The following BMP2K variants were observed in gnomAD, a reference collection of about 807,000 sequenced individuals.
The protein encoded by BMP2K is BMP-2-inducible protein kinase.
Under a neutral mutation model 116.0 loss-of-function variants are expected in BMP2K, and 74 were observed. That is an observed-to-expected ratio of 0.64 (90% CI 0.53 to 0.77). BMP2K has a LOEUF of 0.77. Among genes scored for constraint, BMP2K ranks in the 30% least tolerant of loss-of-function variants. The pLI, the probability that BMP2K is intolerant of heterozygous loss-of-function variation, is 0.00. For synonymous variants in BMP2K, 486 were observed against 502.5 expected (o/e 0.97, Z 0.44); for missense variants, 1,365 against 1,403.6 (o/e 0.97, Z 0.44).
In BMP2K at chr4:78,870,918, G is replaced by T. The variant is rs374800739; in HGVS notation, c.1367G>T (p.Arg456Leu). 1 of 1,610,866 alleles carries T rather than the reference G, an allele frequency of 6.2e-7. No homozygotes were observed. The highest frequency in any genetic ancestry group is 1.7e-5 in the Admixed American group (1 of 59,822). ...TTACAGCAACTCCATTTACAGCATC[G>T]TCATCCTCACCAGCAGCAGCAGCAG... is the stretch of plus-strand genomic sequence containing the variant. ...WRLQQLHLQH[R>L]HPHQQQQQQQ... Residue 456 changes from arginine to leucine, a missense_variant, in exon 11 of 16, where the codon CGT becomes CTT. Transcript: ENST00000502613.
intron 7 of BMP2K, among the ~76,000 whole-genome samples, chr4:78,855,431 A>G (rs550000381): frequency 2.0e-5 from 3 of 152,198 alleles, no homozygotes; most frequent in Non-Finnish European, 2.9e-5. Flanking sequence ...TTTCTTTTTA[A>G]ATTTGTTGAG....
intron 1 of BMP2K, among the ~76,000 whole-genome samples, chr4:78,812,550 G>C (rs1560510974): frequency 2.0e-5 from 3 of 152,070 alleles, no homozygotes; most frequent in Non-Finnish European, 4.4e-5. Context: ...CCTGTTAAAA[G>C]TCTGAAATTT....
intron 1 of BMP2K, among the ~76,000 whole-genome samples, chr4:78,783,759 T>C (rs1727609835): frequency 6.6e-6 from 1 of 152,074 alleles, no homozygotes. Flanking sequence ...TAAGGTGAGA[T>C]AGAGCCATTG....
chr4:78,847,721 A>G lies in BMP2K; in HGVS notation c.750+452A>G, dbSNP rs549937626. On this transcript the variant is annotated intron_variant, in intron 6 of 15. Transcript: ENST00000502613. ...AAACATACCATTGACTAGCTTTTGT[A>G]TATTGAGGGTCTTTATCATTTAGCC... Among the ~76,000 whole-genome samples, 51 of 151,850 alleles carry G rather than the reference A, an allele frequency of 3.4e-4. No individual in the cohort carries two copies. In the Middle Eastern group the frequency reaches 0.01, roughly 30 times the overall value.
At chr4:78,785,419 A>G (rs1420406136) in intron 1 of BMP2K, among the ~76,000 whole-genome samples, 1 of 151,996 alleles carries the variant, frequency 6.6e-6, no homozygotes. Context: ...GCCTAAAATT[A>G]TTTTTTAATC....
chr4:78,858,442 G>A (rs1371148520), intron 7 of BMP2K, among the ~76,000 whole-genome samples: 1 of 151,850 alleles, frequency 6.6e-6, no homozygotes, highest in African/African-American at 2.4e-5. Flanking sequence ...AGTGATATAT[G>A]TTAGCATTAT....
chr4:78,837,599 C>CTT (rs773104739), intron 3 of BMP2K, among the ~76,000 whole-genome samples: 29 of 152,240 alleles, frequency 1.9e-4, no homozygotes, highest in Middle Eastern at 3.4e-3. Context: ...AGCTGCAAAT[C>CTT]TTTTGTTGTC....
chr4:78,895,296 T>C (rs571019557), intron 15 of BMP2K, among the ~76,000 whole-genome samples: 1 of 152,314 alleles, frequency 6.6e-6, no homozygotes, highest in South Asian at 2.1e-4. Context: ...CTGTATTTAA[T>C]TTTACACTGA....
rs114301695 is a variant in BMP2K, at chr4:78,876,382, A to G, written c.1794-2352A>G. Among the ~76,000 whole-genome samples, 684 of 152,204 alleles carry G rather than the reference A, an allele frequency of 4.5e-3. 3 individuals carry two copies. The highest frequency in any genetic ancestry group is 0.016 in the African/African-American group (647 of 41,512). ...TGCATCCAGAATGGACTTTAAACTG[A>G]ATTGTTTTTTAAATTAAGATACCTA... On this transcript the variant is annotated intron_variant, in intron 13 of 15. Transcript: ENST00000502613.
At chr4:78,867,328 G>A (rs1025969896) in intron 10 of BMP2K, among the ~76,000 whole-genome samples, 5 of 152,024 alleles carry the variant, frequency 3.3e-5, no homozygotes, top group Non-Finnish European at 5.9e-5. Context: ...TGGTTTTGTC[G>A]CTGTTCAGAC....
At chr4:78,894,411 C>T (rs868722194) in intron 15 of BMP2K, among the ~76,000 whole-genome samples, 2 of 152,208 alleles carry the variant, frequency 1.3e-5, no homozygotes, top group Non-Finnish European at 2.9e-5. Context: ...TGTTACACTT[C>T]CTGCGTTACC....
chr4:78,777,347 A>G (rs1727296660), intron 1 of BMP2K, among the ~76,000 whole-genome samples: 1 of 152,202 alleles, frequency 6.6e-6, no homozygotes, highest in African/African-American at 2.4e-5. Flanking sequence ...GGTGCTATTC[A>G]TGCCCTCCCA....
chr4:78,790,285 T>A (rs1291154084), intron 1 of BMP2K, among the ~76,000 whole-genome samples: 1 of 152,234 alleles, frequency 6.6e-6, no homozygotes, highest in Non-Finnish European at 1.5e-5. Context: ...GAAATGGCAT[T>A]ATTGTTTGGG....
At chr4:78,781,319 T>C (rs1727493236) in intron 1 of BMP2K, among the ~76,000 whole-genome samples, 1 of 152,160 alleles carries the variant, frequency 6.6e-6, no homozygotes, top group Non-Finnish European at 1.5e-5. Flanking sequence ...AAGATGATAA[T>C]GCTTAAATGG....
At chr4:78,849,862 A>T (rs1447525961) in intron 6 of BMP2K, among the ~76,000 whole-genome samples, 2 of 151,694 alleles carry the variant, frequency 1.3e-5, no homozygotes, top group Non-Finnish European at 3.0e-5. Context: ...ACTGTTGCTG[A>T]ACTCACCAAG....
intron 1 of BMP2K, among the ~76,000 whole-genome samples, chr4:78,815,965 A>C (rs1036719461): frequency 6.6e-6 from 1 of 152,192 alleles, no homozygotes; most frequent in Admixed American, 6.5e-5. Flanking sequence ...ACCAACAACA[A>C]ACATGTTTTA....
chr4:78,865,793 C>G, intron 10 of BMP2K, 73 bp downstream of exon 10: 1 of 1,448,696 alleles, frequency 6.9e-7, no homozygotes, highest in Non-Finnish European at 9.6e-7. Flanking sequence ...GATTTCCTGA[C>G]CTCAGGTGAT....
chr4:78,893,026 C>A (rs751619836), intron 15 of BMP2K, among the ~76,000 whole-genome samples: 83 of 152,188 alleles, frequency 5.5e-4, no homozygotes, highest in Non-Finnish European at 1.0e-3. Flanking sequence ...TGAAAGACTT[C>A]TCTGTACATG....
intron 1 of BMP2K, among the ~76,000 whole-genome samples, chr4:78,786,486 T>C (rs1727739314): frequency 6.7e-6 from 1 of 150,262 alleles, no homozygotes; most frequent in Admixed American, 6.7e-5. Flanking sequence ...TAGGCTGGAG[T>C]GCAGTGGTGT....
Sources: allele counts gnomAD v4.1 joint callset (sites outside exome capture counted in the v4.1 genomes callset), GRCh38; gene constraint gnomAD v4.1.1; transcripts MANE v1.5; gene names NCBI Gene and HGNC (gene_info 2026-07-23, HGNC 2026-07-21).